Variants in NAP1L4 observed in about 807,000 individuals in gnomAD.
NAP1L4 encodes the protein nucleosome assembly protein 1 like 4.
Under a neutral mutation model 58.2 loss-of-function variants are expected in NAP1L4, and 15 were observed. The ratio of observed to expected loss-of-function variants is 0.26; its 90% CI spans 0.17 to 0.40. The LOEUF (loss-of-function observed/expected upper bound fraction) is 0.40, where lower values mean the gene tolerates loss of function less well. Ranked by LOEUF, NAP1L4 falls within the 10% of genes least tolerant of loss-of-function variation. The pLI is 1.00. For missense variants in NAP1L4, 384 were observed against 451.1 expected (o/e 0.85, Z 1.35); for synonymous variants, 171 against 155.6 (o/e 1.10, Z -0.74).
chr11:2,980,934 G>GAA (rs61483847), intron 1 of NAP1L4, among the ~76,000 whole-genome samples: 5 of 149,724 alleles, frequency 3.3e-5, no homozygotes, highest in South Asian at 2.1e-4. Context: ...AAACCAAAAA[G>GAA]AAAAAAAAAA....
At chr11:2,956,199 G>C (rs1025957248) in intron 10 of NAP1L4, among the ~76,000 whole-genome samples, 3 of 152,232 alleles carry the variant, frequency 2.0e-5, no homozygotes, top group African/African-American at 7.2e-5. Flanking sequence ...AGCTGTGAGT[G>C]TTACTAAGGC....
intron 14 of NAP1L4, among the ~76,000 whole-genome samples, chr11:2,950,607 GAC>G (rs1388679403): frequency 6.6e-6 from 1 of 152,210 alleles, no homozygotes; most frequent in Admixed American, 6.5e-5. Flanking sequence ...GCTGTAGGAT[GAC>G]ATTTAAGCAC....
At chr11:2,963,653 C>T (rs1340630331) in intron 8 of NAP1L4, 2 of 466,750 alleles carry the variant, frequency 4.3e-6, no homozygotes, top group Admixed American at 4.4e-5. Flanking sequence ...TGGCCCTCAT[C>T]CATTAGCCCA....
intron 8 of NAP1L4, among the ~76,000 whole-genome samples, chr11:2,963,098 CAAAAAAAA>C (rs55650724): frequency 1.0e-5 from 1 of 97,092 alleles, no homozygotes; most frequent in Non-Finnish European, 2.0e-5. Context: ...GACTCGGTCT[CAAAAAAAA>C]AAAAAAAAAG....
intron 7 of NAP1L4, among the ~76,000 whole-genome samples, chr11:2,969,353 G>C (rs1361244408): frequency 6.6e-6 from 1 of 150,462 alleles, no homozygotes; most frequent in Non-Finnish European, 1.5e-5. Flanking sequence ...AAAATTCACT[G>C]AGATGTGTGT....
intron 1 of NAP1L4, among the ~76,000 whole-genome samples, chr11:2,981,445 A>AAAAAAG (rs1848305004): frequency 7.0e-6 from 1 of 142,282 alleles, no homozygotes; most frequent in Non-Finnish European, 1.5e-5. Context: ...AAAAAAAAAA[A>AAAAAAG]GGCAATAAAC....
Position 2,976,156 on chromosome 11 carries a change from T to C in NAP1L4, c.74-33A>G, listed in dbSNP as rs74960977. 266 of 1,549,016 alleles carry C rather than the reference T, an allele frequency of 1.7e-4. 1 individual carries two copies. The African/African-American group carries it at 3.2e-3, about 19-fold the overall frequency. On this transcript the variant is annotated intron_variant, in intron 3 of 15. Transcript: ENST00000380542. ...GAGTTAAGACCAAACATATTTAAAA[T>C]ATGCCCACCACACACAATAGCCAAG... is the stretch of plus-strand genomic sequence containing the variant.
In NAP1L4 at chr11:2,954,654, G is replaced by A. The variant is rs777327321; in HGVS notation, c.916-8C>T. The A allele has an allele frequency of 1.2e-6, 2 of 1,614,104 alleles. No homozygotes were observed. The highest frequency in any genetic ancestry group is 1.1e-5 in the South Asian group (1 of 91,076). ...GAATTCAGAATCTTCATCCTGAGGA[G>A]GAAAAACCTACGTGTTAACTCATTT... On this transcript the variant is annotated splice_polypyrimidine_tract_variant and splice_region_variant and intron_variant, in intron 11 of 15. Coordinates refer to ENST00000380542, the MANE Select transcript of NAP1L4 (RefSeq NM_005969.4). The surrounding 1 kb of genome is among the most constrained non-coding windows in gnomAD (Gnocchi z 4.8).
Position 2,958,198 on chromosome 11 carries a change from CT to C in NAP1L4, c.892+200del, listed in dbSNP as rs1318692649. On this transcript the variant is annotated intron_variant, in intron 10 of 15. Coordinates refer to ENST00000380542, the MANE Select transcript of NAP1L4 (RefSeq NM_005969.4). The stretch of plus-strand genomic sequence containing the variant: ...TCCTGCAGAAGATGACAATCCTACT[CT>C]TACTGTCCTAGCTACCTCTGCCCCC... 3 of 700,076 alleles carry C rather than the reference CT, an allele frequency of 4.3e-6. No homozygotes were observed. The Admixed American group carries it at 6.0e-5, about 14-fold the overall frequency. 43.4% of individuals were successfully genotyped at this position (700,076 alleles called of 1,614,324 possible).
At chr11:2,979,477 T>C (rs1228747208) in intron 1 of NAP1L4, among the ~76,000 whole-genome samples, 1 of 152,062 alleles carries the variant, frequency 6.6e-6, no homozygotes, top group Non-Finnish European at 1.5e-5. Context: ...ACTTTACTCA[T>C]AAAAAAATTT....
chr11:2,968,478 T>G (rs955509710), intron 7 of NAP1L4, among the ~76,000 whole-genome samples: 4 of 152,198 alleles, frequency 2.6e-5, no homozygotes, highest in African/African-American at 9.6e-5. Flanking sequence ...AAACCAAGGC[T>G]GTTCTATTTT....
At chr11:2,961,233 G>A (rs146749257) in intron 8 of NAP1L4, among the ~76,000 whole-genome samples, 5 of 152,246 alleles carry the variant, frequency 3.3e-5, no homozygotes, top group African/African-American at 1.2e-4. Flanking sequence ...TCAAAGAAAG[G>A]TGGAGGAGGA....
At chr11:2,967,473 T>C (rs1847352312) in intron 7 of NAP1L4, among the ~76,000 whole-genome samples, 2 of 151,924 alleles carry the variant, frequency 1.3e-5, no homozygotes, top group African/African-American at 2.4e-5. Context: ...TAGCCAGGCG[T>C]GGTGGCGGAT....
At chr11:2,987,343 C>T (rs967497335) in intron 1 of NAP1L4, among the ~76,000 whole-genome samples, 3 of 151,686 alleles carry the variant, frequency 2.0e-5, no homozygotes, top group Non-Finnish European at 4.4e-5. Context: ...CGCTCTGTCA[C>T]CCAAGGCGGG....
At position 2,971,600 on chromosome 11, in the gene NAP1L4, T is replaced by G; in HGVS notation, c.316-66A>C. On this transcript the variant is annotated intron_variant, in intron 5 of 15. Transcript: ENST00000380542. The surrounding 1 kb of genome is among the most constrained non-coding windows in gnomAD (Gnocchi z 4.2). ...TTACTTAGGAACTCAAGAGTTAAAT[T>G]TATAAATAATGTCTACTAAAAGACT... 3.2e-6 allele frequency: 4 copies of G among 1,262,916 alleles called. No homozygotes were observed. The South Asian group carries it at 5.2e-5, about 16-fold the overall frequency. The allele number at this position is 1,262,916 out of a possible 1,614,324, so 78.2% of individuals were successfully genotyped here.
At position 2,951,711 on chromosome 11, in the gene NAP1L4, C is replaced by G. The variant is rs767881238; in HGVS notation, c.1065+69G>C. The G allele has an allele frequency of 4.6e-5, 70 of 1,530,998 alleles. No individual in the cohort carries two copies. The highest frequency in any genetic ancestry group is 6.1e-5 in the Non-Finnish European group (68 of 1,107,070). The allele number at this position is 1,530,998 out of a possible 1,614,324, so 94.8% of individuals were successfully genotyped here. On this transcript the variant is annotated intron_variant, in intron 13 of 15. Transcript: ENST00000380542. This position sits in a 1 kb window ranked among gnomAD's most constrained non-coding sequence, Gnocchi z 4.0. ...TAACACAGCCCTGTGAGTCCATAAC[C>G]TTCAAGCAGAGAAAGCCAAAGAAAC...
chr11:2,962,262 G>T (rs1021001837), intron 8 of NAP1L4, among the ~76,000 whole-genome samples: 1 of 152,234 alleles, frequency 6.6e-6, no homozygotes, highest in African/African-American at 2.4e-5. Context: ...TGGGGGAGGT[G>T]GGGCATGTAG....
At chr11:2,985,128 A>C (rs1848546797) in intron 1 of NAP1L4, among the ~76,000 whole-genome samples, 1 of 152,254 alleles carries the variant, frequency 6.6e-6, no homozygotes, top group Non-Finnish European at 1.5e-5. Flanking sequence ...GTGATCCATC[A>C]CGTGAAGTCA....
chr11:2,985,556 T>C (rs112057512), intron 1 of NAP1L4, among the ~76,000 whole-genome samples: 86 of 152,254 alleles, frequency 5.6e-4, no homozygotes, highest in Middle Eastern at 3.4e-3. Context: ...AATTGAAAAA[T>C]TGCTGAGAGT....
Sources: allele counts gnomAD v4.1 joint callset (sites outside exome capture counted in the v4.1 genomes callset), GRCh38; gene constraint gnomAD v4.1.1; non-coding constraint Gnocchi (gnomAD v3.1); transcripts MANE v1.5; gene names NCBI Gene and HGNC (gene_info 2026-07-23, HGNC 2026-07-21).